Variants in SPOCK3 observed in about 807,000 individuals in gnomAD.
SPOCK3 encodes the protein testican-3.
SPOCK3 carries 30 observed loss-of-function variants against 56.6 expected under a neutral mutation model. The observed-to-expected ratio is 0.53, with a 90% CI of 0.40 to 0.72. SPOCK3 has a LOEUF of 0.72. Ranked by LOEUF, SPOCK3 falls within the 30% of genes least tolerant of loss-of-function variation. The pLI, the probability that SPOCK3 is intolerant of heterozygous loss-of-function variation, is 0.00. For synonymous variants in SPOCK3, 196 were observed against 183.3 expected (o/e 1.07, Z -0.56); for missense variants, 527 against 530.0 (o/e 0.99, Z 0.06).
chr4:167,101,392 C>G (rs924706649), intron 2 of SPOCK3, among the ~76,000 whole-genome samples: 1 of 152,068 alleles, frequency 6.6e-6, no homozygotes, highest in African/African-American at 2.4e-5. Flanking sequence ...TTCTCCACAA[C>G]CACTCTCATC....
intron 6 of SPOCK3, among the ~76,000 whole-genome samples, chr4:166,812,814 A>C (rs1258524739): frequency 6.6e-6 from 1 of 152,160 alleles, no homozygotes; most frequent in East Asian, 1.9e-4. Flanking sequence ...ACATACACAC[A>C]TATACTCACA....
chr4:167,005,097 C>T (rs1338221856), intron 3 of SPOCK3, among the ~76,000 whole-genome samples: 1 of 152,158 alleles, frequency 6.6e-6, no homozygotes, highest in African/African-American at 2.4e-5. Flanking sequence ...ATGGCCAACT[C>T]TCTTATCTTC....
At chr4:167,222,424 T>C (rs1736015071) in intron 2 of SPOCK3, among the ~76,000 whole-genome samples, 1 of 150,626 alleles carries the variant, frequency 6.6e-6, no homozygotes, top group South Asian at 2.1e-4. Context: ...ATGGCTAATA[T>C]AGTAAATTTT....
At chr4:166,927,006 G>A (rs188015221) in intron 4 of SPOCK3, among the ~76,000 whole-genome samples, 6 of 152,038 alleles carry the variant, frequency 3.9e-5, no homozygotes, top group Admixed American at 2.6e-4. Context: ...AATAGCAATG[G>A]ACCCTAAATT....
chr4:166,892,702 T>C (rs1734911563), intron 5 of SPOCK3, among the ~76,000 whole-genome samples: 2 of 152,090 alleles, frequency 1.3e-5, no homozygotes, highest in African/African-American at 4.8e-5. Flanking sequence ...AAGACATGAT[T>C]AATGCTTTCC....
At chr4:167,135,767 A>T (rs1377451532) in intron 2 of SPOCK3, among the ~76,000 whole-genome samples, 22 of 151,598 alleles carry the variant, frequency 1.5e-4, no homozygotes, top group Non-Finnish European at 1.5e-5. Flanking sequence ...CAAAAGTTTT[A>T]GTGATTGACT....
chr4:167,169,304 C>A (rs1390163026), intron 2 of SPOCK3, among the ~76,000 whole-genome samples: 3 of 152,188 alleles, frequency 2.0e-5, no homozygotes, highest in African/African-American at 7.2e-5. Context: ...CAATGCCAGA[C>A]TGTGAAAGCA....
intron 2 of SPOCK3, among the ~76,000 whole-genome samples, chr4:167,116,130 C>T (rs1761307692): frequency 6.6e-6 from 1 of 151,754 alleles, no homozygotes; most frequent in African/African-American, 2.4e-5. Context: ...ATGACTTATG[C>T]ATGCTCTATG....
chr4:166,821,059 A>G (rs553168689), intron 6 of SPOCK3, among the ~76,000 whole-genome samples: 1 of 152,194 alleles, frequency 6.6e-6, no homozygotes, highest in African/African-American at 2.4e-5. Context: ...TATATCTGAT[A>G]ATGAACTGCC....
rs1751596755 is a variant in SPOCK3 at position 167,025,296 on chromosome 4, A to C, written c.236-24833T>G. ...CTGACTTCAAGCTTCAAATTCCCCCATTAACCAGCAGGCCAAGCCTACCAA... is the reference window on the plus strand; with the variant it reads ...CTGACTTCAAGCTTCAAATTCCCCCCTTAACCAGCAGGCCAAGCCTACCAA... On this transcript the variant is annotated intron_variant, in intron 3 of 10. Coordinates refer to ENST00000357545, the MANE Select transcript of SPOCK3 (RefSeq NM_001040159.2). Among the ~76,000 whole-genome samples, 4 of 151,132 alleles carry C rather than the reference A, an allele frequency of 2.6e-5. No homozygotes were observed. The South Asian group carries it at 8.4e-4, about 32-fold the overall frequency.
At chr4:166,995,631 C>A (rs1748288190) in intron 4 of SPOCK3, among the ~76,000 whole-genome samples, 1 of 151,890 alleles carries the variant, frequency 6.6e-6, no homozygotes, top group Non-Finnish European at 1.5e-5. Context: ...TAGAACTAAT[C>A]TCAAGCAGAA....
chr4:166,939,868 T>C (rs1740853983), intron 4 of SPOCK3, among the ~76,000 whole-genome samples: 1 of 152,212 alleles, frequency 6.6e-6, no homozygotes, highest in Non-Finnish European at 1.5e-5. Context: ...TTTATCTTGT[T>C]TAAGGCCATT....
At chr4:167,019,796 G>C (rs1197356300) in intron 3 of SPOCK3, among the ~76,000 whole-genome samples, 2 of 151,862 alleles carry the variant, frequency 1.3e-5, no homozygotes, top group South Asian at 4.1e-4. Context: ...AATTATAACC[G>C]TGTGACTGAA....
intron 2 of SPOCK3, among the ~76,000 whole-genome samples, chr4:167,155,349 C>A (rs1764730150): frequency 6.6e-6 from 1 of 151,826 alleles, no homozygotes. Context: ...AACTCCTGAC[C>A]TCAAGTGATC....
At chr4:167,204,814 T>C (rs1392176117) in intron 2 of SPOCK3, among the ~76,000 whole-genome samples, 1 of 151,800 alleles carries the variant, frequency 6.6e-6, no homozygotes, top group African/African-American at 2.4e-5. Flanking sequence ...GCCTTTGTCC[T>C]AATGAAAATC....
At chr4:167,234,205 G>C in intron 1 of SPOCK3, 32 bp from the exon 2 acceptor site, 2 of 1,460,480 alleles carry the variant, frequency 1.4e-6, no homozygotes, top group Non-Finnish European at 1.9e-6. Flanking sequence ...GGGGTGGGGG[G>C]GCATGTCAGT....
At chr4:167,034,726 C>T (rs1321199430) in intron 3 of SPOCK3, among the ~76,000 whole-genome samples, 3 of 152,016 alleles carry the variant, frequency 2.0e-5, no homozygotes, top group African/African-American at 7.3e-5. Flanking sequence ...CTAGAAAAAT[C>T]GTTGGAGGTT....
At chr4:166,747,863 C>A (rs550681291) in intron 8 of SPOCK3, among the ~76,000 whole-genome samples, 5 of 152,104 alleles carry the variant, frequency 3.3e-5, no homozygotes, top group Admixed American at 1.3e-4. Context: ...AGAGCCAAAT[C>A]ATGAGTGAAC....
chr4:166,887,109 G>T (rs1238200760), intron 6 of SPOCK3, among the ~76,000 whole-genome samples: 3 of 152,066 alleles, frequency 2.0e-5, no homozygotes, highest in African/African-American at 7.2e-5. Context: ...CAGAAAATTT[G>T]ACAATATGAA....
Sources: gnomAD v4.1 joint callset for allele counts (sites outside exome capture counted in the v4.1 genomes callset) on GRCh38, gnomAD v4.1.1 for gene constraint, MANE v1.5 for transcripts, NCBI Gene and HGNC (gene_info 2026-07-23, HGNC 2026-07-21) for gene names.